COPB1: variants seen among roughly 807,000 people sequenced by gnomAD.
COPB1 encodes the protein coatomer subunit beta.
A neutral mutation model predicts 108.7 loss-of-function variants in COPB1; 21 were observed. The ratio of observed to expected loss-of-function variants is 0.19; its 90% CI spans 0.14 to 0.28. The LOEUF is 0.28. COPB1 is among the 10% of genes least tolerant of loss of function. COPB1 has a pLI of 1.00. For synonymous variants in COPB1, 378 were observed against 386.8 expected (o/e 0.98, Z 0.27); for missense variants, 919 against 1,141.3 (o/e 0.81, Z 2.81).
intron 18 of COPB1, among the ~76,000 whole-genome samples, chr11:14,463,571 C>T (rs539662544): frequency 6.6e-6 from 1 of 152,286 alleles, no homozygotes; most frequent in Admixed American, 6.5e-5. Context: ...CTGCCCGCCT[C>T]GGTCTCCCAA....
At chr11:14,459,607 C>T (rs896681913) in intron 20 of COPB1, among the ~76,000 whole-genome samples, 1 of 152,092 alleles carries the variant, frequency 6.6e-6, no homozygotes, top group Admixed American at 6.6e-5. Flanking sequence ...TCCAGTATTA[C>T]AAATAAACGA....
intron 2 of COPB1, among the ~76,000 whole-genome samples, chr11:14,495,451 G>A (rs565746245): frequency 2.0e-5 from 3 of 152,306 alleles, no homozygotes; most frequent in South Asian, 2.1e-4. Context: ...AGAGCTAAGC[G>A]GCTATGAAAC....
In COPB1 at chr11:14,465,045, T is replaced by C. The variant is rs773758900; in HGVS notation, c.2291-15A>G. On this transcript the variant is annotated splice_polypyrimidine_tract_variant and intron_variant, in intron 17 of 21. Coordinates refer to ENST00000439561, the MANE Select transcript of COPB1 (RefSeq NM_001144061.2). ...TTTCAGATCCCCTGAAAGAAAGAGTTTGGATATGGTTAAAAATACACACAC... is the reference window on the plus strand; with the variant it reads ...TTTCAGATCCCCTGAAAGAAAGAGTCTGGATATGGTTAAAAATACACACAC... 2 of 1,581,870 alleles carry C rather than the reference T, an allele frequency of 1.3e-6. No homozygotes were observed. The highest frequency in any genetic ancestry group is 1.8e-5 in the Admixed American group (1 of 56,530).
chr11:14,499,291 A>G (rs1565027440), intron 1 of COPB1, among the ~76,000 whole-genome samples: 1 of 152,072 alleles, frequency 6.6e-6, no homozygotes, highest in Admixed American at 6.5e-5. Flanking sequence ...TACACAACAC[A>G]CAATCTGCAT....
intron 16 of COPB1, among the ~76,000 whole-genome samples, chr11:14,467,371 A>G (rs965859140): frequency 2.6e-5 from 4 of 152,154 alleles, no homozygotes; most frequent in Non-Finnish European, 5.9e-5. Flanking sequence ...GATGGCTATC[A>G]TCAAAAAAAA....
At chr11:14,487,390 C>A (rs1020929701) in intron 6 of COPB1, among the ~76,000 whole-genome samples, 1 of 152,068 alleles carries the variant, frequency 6.6e-6, no homozygotes, top group Non-Finnish European at 1.5e-5. Context: ...TTAAAAAGAA[C>A]TATAGGCTGG....
chr11:14,497,216 G>A (rs1056496870), intron 2 of COPB1, among the ~76,000 whole-genome samples: 4 of 151,918 alleles, frequency 2.6e-5, no homozygotes, highest in East Asian at 3.8e-4. Context: ...AAAAGCTTCC[G>A]CACAGCAAAG....
At chr11:14,491,641 C>A (rs1036082908) in intron 4 of COPB1, among the ~76,000 whole-genome samples, 12 of 145,270 alleles carry the variant, frequency 8.3e-5, no homozygotes, top group Admixed American at 4.2e-4. Context: ...TGCACTCGAG[C>A]CTGGGCGACA....
At position 14,480,857 on chromosome 11, in the gene COPB1, C is replaced by T; in HGVS notation, c.1114G>A (p.Glu372Lys). The T allele has an allele frequency of 6.2e-7, 1 of 1,614,016 alleles. No individual in the cohort carries two copies. Among genetic ancestry groups the T allele is most frequent in the Non-Finnish European group, 8.5e-7 (1 of 1,179,900 alleles). The change falls in exon 10 of 22, where the codon GAG (glutamate) becomes AAG (lysine). Residue 372 changes from glutamate to lysine, a missense_variant. Coordinates refer to ENST00000439561, the MANE Select transcript of COPB1 (RefSeq NM_001144061.2). ...CTGTATTTGTCAGTATCTTCATGCTCAGACACATTATTTGTTTTTATCACT... is the reference window on the plus strand; with the variant it reads ...CTGTATTTGTCAGTATCTTCATGCTTAGACACATTATTTGTTTTTATCACT... Reference protein sequence around the residue: ...KEVIKTNNVSEHEDTDKYRQL... With the variant: ...KEVIKTNNVSKHEDTDKYRQL...
At position 14,468,533 on chromosome 11, in the gene COPB1, T is replaced by A. The variant is rs1202731825; in HGVS notation, c.2145+148A>T. 10 of 678,364 alleles carry A rather than the reference T, an allele frequency of 1.5e-5. No individual in the cohort carries two copies. The African/African-American group carries it at 1.8e-4, about 12-fold the overall frequency. The allele number at this position is 678,364 out of a possible 1,614,324, so 42.0% of individuals were successfully genotyped here. A position where few individuals can be genotyped will look rare whatever the true frequency, so the allele number is the denominator to read the frequency against. Reference sequence around the variant, plus strand: ...CTATCACATATAGTAGTAAGGTACTTCATCAGCTTCTGAGTTTCAACTGAG... The same window carrying A: ...CTATCACATATAGTAGTAAGGTACTACATCAGCTTCTGAGTTTCAACTGAG... On this transcript the variant is annotated intron_variant, in intron 16 of 21. Transcript: ENST00000439561.
intron 14 of COPB1, chr11:14,474,274 T>C (rs1850469130): frequency 3.0e-6 from 1 of 330,252 alleles, no homozygotes; most frequent in African/African-American, 2.1e-5. Context: ...ACATTGTTAT[T>C]GTATTACTTT....
intron 14 of COPB1, among the ~76,000 whole-genome samples, chr11:14,473,146 T>C (rs1385252663): frequency 6.6e-6 from 1 of 152,062 alleles, no homozygotes; most frequent in Non-Finnish European, 1.5e-5. Context: ...GGCTAATTTT[T>C]GTATTTTTAG....
intron 6 of COPB1, among the ~76,000 whole-genome samples, chr11:14,487,814 CAGTT>C (rs1850810137): frequency 6.6e-6 from 1 of 152,114 alleles, no homozygotes; most frequent in Non-Finnish European, 1.5e-5. Context: ...CAGCTATAAT[CAGTT>C]AGTAATGTCT....
At chr11:14,486,338 A>G (rs763937661) in intron 7 of COPB1, 29 bp downstream of exon 7, 1 of 1,613,098 alleles carries the variant, frequency 6.2e-7, no homozygotes, top group Middle Eastern at 1.7e-4. Flanking sequence ...TCTATCATCT[A>G]ATCTGGCCCC....
intron 11 of COPB1, among the ~76,000 whole-genome samples, chr11:14,477,395 A>AAAAAAAAAAAAAC (rs1565017838): frequency 7.1e-6 from 1 of 141,722 alleles, no homozygotes; most frequent in African/African-American, 2.6e-5. Flanking sequence ...GTCTCAAAAA[A>AAAAAAAAAAAAAC]AAAAAAAAAA....
At chr11:14,468,577 A>G (rs1333883136) in intron 16 of COPB1, 104 bp downstream of exon 16, 2 of 1,130,590 alleles carry the variant, frequency 1.8e-6, no homozygotes, top group Non-Finnish European at 2.5e-6. Flanking sequence ...GACCTATCAC[A>G]GTGACTTGAC....
Position 14,457,574 on chromosome 11 carries a change from A to G in COPB1, c.*250T>C. 3.3e-6 allele frequency: 1 copy of G among 303,642 alleles called. No individual in the cohort carries two copies. Among genetic ancestry groups the G allele is most frequent in the Non-Finnish European group, 6.4e-6 (1 of 156,498 alleles). The allele number at this position is 303,642 out of a possible 1,614,324, so 18.8% of individuals were successfully genotyped here. A position where few individuals can be genotyped will look rare whatever the true frequency, so the allele number is the denominator to read the frequency against. The stretch of plus-strand genomic sequence containing the variant: ...ATTTATGAATAGATCTGTTTATTGT[A>G]CTGTGAAAAGGGTCTTGGTACATGA... On this transcript the variant is annotated 3_prime_UTR_variant, in exon 22 of 22. Transcript: ENST00000439561.
intron 7 of COPB1, among the ~76,000 whole-genome samples, chr11:14,485,805 C>T (rs745823391): frequency 1.3e-5 from 2 of 152,108 alleles, no homozygotes; most frequent in African/African-American, 2.4e-5. Flanking sequence ...CCAAGATTGC[C>T]TCACTCCAGC....
At chr11:14,477,041 T>G in intron 11 of COPB1, 26 bp from the exon 12 acceptor site, 1 of 1,417,706 alleles carries the variant, frequency 7.1e-7, no homozygotes, top group Non-Finnish European at 9.9e-7. Context: ...ATCTGAAACA[T>G]GAACTTGGCA....
Sources: allele counts gnomAD v4.1 joint callset (sites outside exome capture counted in the v4.1 genomes callset), GRCh38; gene constraint gnomAD v4.1.1; transcripts MANE v1.5; gene names NCBI Gene and HGNC (gene_info 2026-07-23, HGNC 2026-07-21).